Variants in DCP2 observed in about 807,000 individuals in gnomAD.
DCP2 encodes m7GpppN-mRNA hydrolase.
Under a neutral mutation model 56.1 loss-of-function variants are expected in DCP2, and 30 were observed. That is an observed-to-expected ratio of 0.53 (90% CI 0.40 to 0.73). The LOEUF (loss-of-function observed/expected upper bound fraction) is 0.73. Among genes scored for constraint, DCP2 ranks in the 30% least tolerant of loss-of-function variants. The pLI is 0.00. For missense variants in DCP2, 533 were observed against 502.7 expected, an observed-to-expected ratio of 1.06 and a Z score of -0.58; for synonymous variants, 197 against 163.3, an observed-to-expected ratio of 1.21 and a Z score of -1.57.
chr5:113,009,935 T>TG (rs1749606291), intron 9 of DCP2, among the ~76,000 whole-genome samples: 1 of 151,326 alleles, frequency 6.6e-6, no homozygotes, highest in African/African-American at 2.4e-5. Context: ...TTTTTTTTTT[T>TG]GAGACAGGGT....
intron 9 of DCP2, among the ~76,000 whole-genome samples, chr5:113,009,821 A>C (rs977198735): frequency 1.3e-5 from 2 of 152,202 alleles, no homozygotes; most frequent in African/African-American, 4.8e-5. Context: ...TTGCAATTTT[A>C]TGAAAAGATG....
intron 8 of DCP2, among the ~76,000 whole-genome samples, chr5:113,005,479 A>G (rs976791460): frequency 6.6e-6 from 1 of 152,220 alleles, no homozygotes; most frequent in Non-Finnish European, 1.5e-5. Flanking sequence ...TAGGATGGCT[A>G]TAATAAAAAA....
chr5:113,002,018 A>G (rs778206035), intron 7 of DCP2, among the ~76,000 whole-genome samples: 2 of 152,218 alleles, frequency 1.3e-5, no homozygotes, highest in Admixed American at 6.5e-5. Flanking sequence ...TTGAGTTTCT[A>G]AAGACGTTTG....
intron 4 of DCP2, among the ~76,000 whole-genome samples, chr5:112,993,543 T>C (rs1339604619): frequency 6.6e-6 from 1 of 151,346 alleles, no homozygotes; most frequent in Non-Finnish European, 1.5e-5. Context: ...GGAGAATCTC[T>C]TGAACTCGGG....
At chr5:112,987,113 C>T (rs1748325824) in intron 2 of DCP2, among the ~76,000 whole-genome samples, 1 of 152,008 alleles carries the variant, frequency 6.6e-6, no homozygotes, top group South Asian at 2.1e-4. Context: ...GAATATTTAA[C>T]ATTATAAAAG....
intron 7 of DCP2, among the ~76,000 whole-genome samples, chr5:113,002,786 G>A (rs1749240616): frequency 1.3e-5 from 2 of 152,150 alleles, no homozygotes; most frequent in South Asian, 2.1e-4. Context: ...GCTTCCCAAA[G>A]TTTTGAGATT....
At chr5:112,984,703 A>AAATATATAT in intron 1 of DCP2, 20 of 64,846 alleles carry the variant, frequency 3.1e-4, no homozygotes, top group South Asian at 2.6e-3. Context: ...AAAAAAAAAA[A>AAATATATAT]ATATATATAT....
chr5:112,994,992 T>G (rs1330058558), intron 4 of DCP2, among the ~76,000 whole-genome samples: 2 of 152,346 alleles, frequency 1.3e-5, no homozygotes, highest in Middle Eastern at 3.4e-3. Context: ...CAATGTTTAC[T>G]GCCTACTTTA....
Position 113,020,325 on chromosome 5 carries a change from T to A in DCP2, c.*6841T>A, listed in dbSNP as rs544320131. ...TTAATTTTTGCCTAGATTATAGCAA[T>A]GTTTTGTTTTACCTTATAGGGCATT... is the stretch of plus-strand genomic sequence containing the variant. On this transcript the variant is annotated 3_prime_UTR_variant, in exon 11 of 11. Coordinates refer to ENST00000389063, the MANE Select transcript of DCP2 (RefSeq NM_152624.6). 9.2e-5 allele frequency: 14 copies of A among 151,874 alleles called. No individual in the cohort carries two copies. In the East Asian group the frequency reaches 2.7e-3, roughly 30 times the overall value. 9.4% of individuals were successfully genotyped at this position (151,874 alleles called of 1,614,324 possible).
chr5:112,990,237 C>G (rs1454545484), intron 2 of DCP2, among the ~76,000 whole-genome samples: 1 of 152,096 alleles, frequency 6.6e-6, no homozygotes, highest in African/African-American at 2.4e-5. Flanking sequence ...CGAGCCACAT[C>G]CTTTGAGTTA....
chr5:113,008,205 C>T (rs1292290771), intron 9 of DCP2, 163 bp downstream of exon 9: 1 of 525,860 alleles, frequency 1.9e-6, no homozygotes, highest in Middle Eastern at 2.8e-4. Context: ...CACTAAAAAT[C>T]TCTGGCTGCT....
chr5:112,997,418 T>C (rs1378971015), intron 4 of DCP2, among the ~76,000 whole-genome samples: 4 of 152,214 alleles, frequency 2.6e-5, no homozygotes, highest in Admixed American at 1.3e-4. Flanking sequence ...CCTTATTATT[T>C]GGCAAAGCAG....
rs1352247814 is a variant in DCP2 at position 113,014,154 on chromosome 5, T to A, written c.*670T>A. 1 of 152,330 alleles carries A rather than the reference T, an allele frequency of 6.6e-6. No homozygotes were observed. Among genetic ancestry groups the A allele is most frequent in the Non-Finnish European group, 1.5e-5 (1 of 68,150 alleles). The allele number at this position is 152,330 out of a possible 1,614,324, so 9.4% of individuals were successfully genotyped here. On this transcript the variant is annotated 3_prime_UTR_variant, in exon 11 of 11. Transcript: ENST00000389063. ...GGGAGCTGATGCTGTGATTTTGAGC[T>A]GTGGTTACATGCAGTCAGTAAACCT...
chr5:113,006,117 C>CAAA (rs75106280), intron 8 of DCP2, among the ~76,000 whole-genome samples: 57 of 62,414 alleles, frequency 9.1e-4, no homozygotes, highest in Admixed American at 4.9e-3. Flanking sequence ...ACCCTATCTC[C>CAAA]AAAAAAAAAA....
At chr5:113,002,500 C>T (rs555233819) in intron 7 of DCP2, among the ~76,000 whole-genome samples, 2 of 151,240 alleles carry the variant, frequency 1.3e-5, no homozygotes, top group South Asian at 4.2e-4. Context: ...CCGTGAAGAA[C>T]ATTTTCTTGC....
In DCP2 at chr5:113,021,547, T is replaced by G. The variant is rs1358720194; in HGVS notation, c.*8063T>G. Among the ~76,000 whole-genome samples the G allele has an allele frequency of 6.6e-6, 1 of 152,162 alleles. No homozygotes were observed. Among genetic ancestry groups the G allele is most frequent in the Non-Finnish European group, 1.5e-5 (1 of 68,036 alleles). ...ATTTAAAATCCAGCAATTCTTAAGT[T>G]TGTGCTAGAATCAGGTTTTGCAATA... On this transcript the variant is annotated 3_prime_UTR_variant, in exon 11 of 11. Transcript: ENST00000389063.
chr5:113,001,377 T>C lies in DCP2; in HGVS notation c.606T>C (p.Ile202=). Residue 202 remains isoleucine (I), a synonymous_variant, in exon 6 of 11, where the codon ATT becomes ATC. Coordinates refer to ENST00000389063, the MANE Select transcript of DCP2 (RefSeq NM_152624.6). ...REIRNIEWFS[I]EKLPCHRNDM... is the part of the protein sequence containing the mutation. ...TTCAGAACATTGAGTGGTTCTCTATTGAGAAATTGCCTTGTCATAGAAATG... is the reference window on the plus strand; with the variant it reads ...TTCAGAACATTGAGTGGTTCTCTATCGAGAAATTGCCTTGTCATAGAAATG... 6.2e-7 allele frequency: 1 copy of C among 1,613,222 alleles called. No homozygotes were observed. The highest frequency in any genetic ancestry group is 1.1e-5 in the South Asian group (1 of 90,716).
intron 1 of DCP2, among the ~76,000 whole-genome samples, chr5:112,980,545 C>G (rs1188590686): frequency 6.6e-6 from 1 of 152,066 alleles, no homozygotes; most frequent in East Asian, 1.9e-4. Context: ...TCAGCTATTA[C>G]TATATACACG....
chr5:112,984,578 T>C (rs1255682863), intron 1 of DCP2: 1 of 151,454 alleles, frequency 6.6e-6, no homozygotes, highest in Non-Finnish European at 1.5e-5. Context: ...GAATGCAACA[T>C]GATTTAGCTG....
Sources: gnomAD v4.1 joint callset for allele counts (sites outside exome capture counted in the v4.1 genomes callset) on GRCh38, gnomAD v4.1.1 for gene constraint, MANE v1.5 for transcripts, NCBI Gene and HGNC (gene_info 2026-07-23, HGNC 2026-07-21) for gene names.